The following NAALADL2 variants were observed in gnomAD, a reference collection of about 807,000 sequenced individuals.
NAALADL2 encodes inactive N-acetylated-alpha-linked acidic dipeptidase-like protein 2.
Under a neutral mutation model 87.2 loss-of-function variants are expected in NAALADL2, and 76 were observed. The ratio of observed to expected loss-of-function variants is 0.87; its 90% CI spans 0.72 to 1.05. NAALADL2 has a LOEUF of 1.05. NAALADL2 is among the 50% of genes least tolerant of loss of function. NAALADL2 has a pLI of 0.00. For synonymous variants in NAALADL2, 354 were observed against 331.0 expected, an observed-to-expected ratio of 1.07 and a Z score of -0.75; for missense variants, 1,089 against 945.8, an observed-to-expected ratio of 1.15 and a Z score of -1.99.
At position 175,786,944 on chromosome 3, in the gene NAALADL2, GCTGCAGGT is replaced by G. The variant is rs1470069055; in HGVS notation, c.2190-16057_2190-16050del. 1.4e-3 allele frequency among the ~76,000 whole-genome samples: 212 copies of G among 152,210 alleles called. 2 individuals are homozygous for G. The highest frequency in any genetic ancestry group is 4.9e-3 in the African/African-American group (202 of 41,556). ...TTCCTTCTAACAGACAGGACCCTCA[GCTGCAGGT>G]CTGTTGGAATACCCTGCCATGTGAG... On this transcript the variant is annotated intron_variant, in intron 13 of 13. Coordinates refer to ENST00000454872, the MANE Select transcript of NAALADL2 (RefSeq NM_207015.3).
intron 1 of NAALADL2, among the ~76,000 whole-genome samples, chr3:175,064,828 C>A (rs941013055): frequency 6.6e-6 from 1 of 152,122 alleles, no homozygotes; most frequent in African/African-American, 2.4e-5. Context: ...CCCGGTGGAG[C>A]TGTTTGTAAA....
At chr3:175,188,558 G>A (rs1489483692) in intron 2 of NAALADL2, among the ~76,000 whole-genome samples, 1 of 152,096 alleles carries the variant, frequency 6.6e-6, no homozygotes, top group Non-Finnish European at 1.5e-5. Flanking sequence ...AGACATGACT[G>A]AGCTGTGCCA....
chr3:175,422,041 A>G (rs1715795234), intron 5 of NAALADL2, among the ~76,000 whole-genome samples: 1 of 152,068 alleles, frequency 6.6e-6, no homozygotes, highest in South Asian at 2.1e-4. Flanking sequence ...GACACACCCC[A>G]TCATAGGCTA....
At chr3:175,338,153 G>A (rs140543015) in intron 5 of NAALADL2, among the ~76,000 whole-genome samples, 3,087 of 152,252 alleles carry the variant, frequency 0.02, 67 homozygotes, top group Admixed American at 0.049. Flanking sequence ...ATCTGAGAGT[G>A]AAGGTACAGG....
At chr3:175,726,383 C>T (rs1561041905) in intron 11 of NAALADL2, among the ~76,000 whole-genome samples, 1 of 151,982 alleles carries the variant, frequency 6.6e-6, no homozygotes, top group South Asian at 2.1e-4. Context: ...AGGCTTTCTT[C>T]AGCCCTGGAA....
intron 2 of NAALADL2, among the ~76,000 whole-genome samples, chr3:174,712,759 C>CT (rs967823810): frequency 6.6e-6 from 1 of 151,758 alleles, no homozygotes; most frequent in African/African-American, 2.4e-5. Context: ...AACAATGACA[C>CT]TTTTTTTTAT....
intron 2 of NAALADL2, among the ~76,000 whole-genome samples, chr3:174,563,758 G>C (rs1426619940): frequency 6.6e-6 from 1 of 152,100 alleles, no homozygotes; most frequent in Non-Finnish European, 1.5e-5. Context: ...ATTCTGATCA[G>C]AGAAGGTGAT....
intron 4 of NAALADL2, among the ~76,000 whole-genome samples, chr3:175,283,945 A>G (rs2110097146): frequency 6.6e-6 from 1 of 152,008 alleles, no homozygotes; most frequent in East Asian, 1.9e-4. Flanking sequence ...AAGGGAGGAC[A>G]AAAATGTTCT....
chr3:175,627,529 ATTATTT>A, intron 11 of NAALADL2, 143 bp downstream of exon 11: 1 of 572,472 alleles, frequency 1.7e-6, no homozygotes, highest in Non-Finnish European at 3.0e-6. Context: ...AGTATATCCT[ATTATTT>A]TACTAAGGAA....
chr3:174,817,096 G>A (rs950488062), intron 3 of NAALADL2, among the ~76,000 whole-genome samples: 3 of 152,156 alleles, frequency 2.0e-5, no homozygotes, highest in Non-Finnish European at 4.4e-5. Context: ...TGGTGGAAGT[G>A]TGTGAGTGTT....
chr3:175,110,743 A>G (rs1039399320), intron 2 of NAALADL2, among the ~76,000 whole-genome samples: 3 of 151,852 alleles, frequency 2.0e-5, no homozygotes, highest in African/African-American at 7.2e-5. Context: ...AGAAAGATAA[A>G]TTTGGGGATT....
rs3040106 is a variant in NAALADL2, at chr3:174,819,058, CTTTTTTT to C, written c.-9+81334_-9+81340del. On this transcript the variant is annotated intron_variant, in intron 3 of 3. Transcript: ENST00000434257. ...GAATTTCTTTATTATACCATTTATT[CTTTTTTT>C]TTTTTTTTTTTTTTTTTTTTTGGAG... Among the ~76,000 whole-genome samples, 71 of 47,538 alleles carry C rather than the reference CTTTTTTT, an allele frequency of 1.5e-3. 1 individual carries two copies. The highest frequency in any genetic ancestry group is 0.011 in the South Asian group (14 of 1,220). The allele number at this position is 47,538 out of a possible 152,430, so 31.2% of individuals were successfully genotyped here.
chr3:174,460,829 C>T (rs1716170462), intron 1 of NAALADL2, among the ~76,000 whole-genome samples: 1 of 151,986 alleles, frequency 6.6e-6, no homozygotes, highest in South Asian at 2.1e-4. Flanking sequence ...AGGCTTTCCT[C>T]TTCAATTGAG....
At chr3:174,585,919 C>G (rs1433341650) in intron 2 of NAALADL2, among the ~76,000 whole-genome samples, 1 of 152,052 alleles carries the variant, frequency 6.6e-6, no homozygotes, top group South Asian at 2.1e-4. Flanking sequence ...TTTACCTGCC[C>G]TATGCTTCTA....
chr3:174,830,304 G>A (rs1722519816), intron 3 of NAALADL2, among the ~76,000 whole-genome samples: 1 of 151,360 alleles, frequency 6.6e-6, no homozygotes, highest in African/African-American at 2.4e-5. Context: ...TAAGGTGTAA[G>A]GAAGGGATCC....
chr3:174,888,581 C>T (rs1463311693), intron 1 of NAALADL2, among the ~76,000 whole-genome samples: 1 of 152,286 alleles, frequency 6.6e-6, no homozygotes, highest in African/African-American at 2.4e-5. Context: ...TACGTTAGAA[C>T]GTGACCCTAA....
At chr3:175,116,050 A>ACT (rs1725091809) in intron 2 of NAALADL2, among the ~76,000 whole-genome samples, 7 of 151,162 alleles carry the variant, frequency 4.6e-5, no homozygotes, top group Admixed American at 1.3e-4. Context: ...CATGCAAAAA[A>ACT]CTCAATAAAC....
intron 2 of NAALADL2, among the ~76,000 whole-genome samples, chr3:175,126,171 G>A (rs1004351353): frequency 2.0e-5 from 3 of 152,020 alleles, no homozygotes; most frequent in Non-Finnish European, 2.9e-5. Flanking sequence ...GGTAGGAAGG[G>A]CAAAAGCCTC....
At chr3:174,464,141 T>C (rs1716380783) in intron 1 of NAALADL2, among the ~76,000 whole-genome samples, 2 of 152,142 alleles carry the variant, frequency 1.3e-5, no homozygotes. Context: ...TTATTATTAT[T>C]ATTTTTAAAT....
Sources: allele counts gnomAD v4.1 joint callset (sites outside exome capture counted in the v4.1 genomes callset), GRCh38; gene constraint gnomAD v4.1.1; transcripts MANE v1.5; gene names NCBI Gene and HGNC (gene_info 2026-07-23, HGNC 2026-07-21).